NMNAT3: variants seen among roughly 807,000 people sequenced by gnomAD.
NMNAT3 encodes nicotinamide/nicotinic acid mononucleotide adenylyltransferase 3.
A neutral mutation model predicts 24.8 loss-of-function variants in NMNAT3; 21 were observed. The observed-to-expected ratio is 0.85, with a 90% CI of 0.60 to 1.22. NMNAT3 has a LOEUF of 1.22. Ranked by LOEUF, NMNAT3 falls within the 50% of genes most tolerant of loss-of-function variation. The pLI is 0.00. For missense variants in NMNAT3, 387 were observed against 436.6 expected (o/e 0.89, Z 1.01); for synonymous variants, 136 against 155.2 (o/e 0.88, Z 0.92).
intron 6 of NMNAT3, chr3:139,565,368 T>C (rs1937019890): frequency 6.6e-6 from 1 of 151,992 alleles, no homozygotes; most frequent in African/African-American, 2.4e-5. Flanking sequence ...TTAAAAATTT[T>C]ATTATTATTG....
At chr3:139,655,660 C>G (rs914964330) in intron 1 of NMNAT3, among the ~76,000 whole-genome samples, 1 of 152,098 alleles carries the variant, frequency 6.6e-6, no homozygotes. Context: ...CTAAAGTGCC[C>G]GAGCCACAGA....
intron 3 of NMNAT3, among the ~76,000 whole-genome samples, chr3:139,592,127 A>T (rs1375428424): frequency 6.6e-6 from 1 of 152,194 alleles, no homozygotes; most frequent in African/African-American, 2.4e-5. Context: ...TGCTTAAAGG[A>T]GCTGATGGAG....
rs151167384 is a variant in NMNAT3, at chr3:139,673,473, G to A, written c.-141+4232C>T. On this transcript the variant is annotated intron_variant, in intron 1 of 6. Transcript: ENST00000643695. The stretch of plus-strand genomic sequence containing the variant: ...GATTTATAGAAAAATATCATCCAGC[G>A]GTCTTCAAGGGTGTATATGAAAAAA... Among the ~76,000 whole-genome samples, 63 of 152,192 alleles carry A rather than the reference G, an allele frequency of 4.1e-4. No homozygotes were observed. In the East Asian group the frequency reaches 6.2e-3, roughly 15 times the overall value.
chr3:139,615,464 C>CTATCTATCTATCTATCTATCT (rs1438028853), intron 3 of NMNAT3, among the ~76,000 whole-genome samples: 20 of 106,824 alleles, frequency 1.9e-4, no homozygotes, highest in East Asian at 1.2e-3. Flanking sequence ...TCTATCTATC[C>CTATCTATCTATCTATCTATCT]ATCCACCCAC....
At chr3:139,623,675 C>A (rs1479150803) in intron 3 of NMNAT3, among the ~76,000 whole-genome samples, 1 of 152,088 alleles carries the variant, frequency 6.6e-6, no homozygotes, top group Non-Finnish European at 1.5e-5. Context: ...CCTCTGCCTC[C>A]CAGGTTCAAG....
At chr3:139,624,997 T>C (rs7615890) in intron 3 of NMNAT3, among the ~76,000 whole-genome samples, 52,161 of 152,080 alleles carry the variant, frequency 0.34, 9,155 homozygotes, top group Admixed American at 0.45. Flanking sequence ...TTCTATAAGT[T>C]TTTGCTTCTT....
At chr3:139,595,585 A>G (rs561332989) in intron 3 of NMNAT3, among the ~76,000 whole-genome samples, 1 of 152,334 alleles carries the variant, frequency 6.6e-6, no homozygotes, top group African/African-American at 2.4e-5. Flanking sequence ...AGTAACCAAA[A>G]CAGCATGGTA....
At chr3:139,637,195 C>T (rs1488318515) in intron 2 of NMNAT3, 1 of 152,180 alleles carries the variant, frequency 6.6e-6, no homozygotes, top group East Asian at 1.9e-4. Context: ...TGGCTTAAAA[C>T]AATAAAGGTT....
chr3:139,615,334 G>A (rs551931329), intron 3 of NMNAT3, among the ~76,000 whole-genome samples: 51 of 152,182 alleles, frequency 3.4e-4, no homozygotes, highest in Admixed American at 1.0e-3. Context: ...ATGGCTACTG[G>A]GGTACAACTA....
rs976101446 is a variant in NMNAT3 at position 139,628,214 on chromosome 3, T to C, written c.-40-450A>G. On this transcript the variant is annotated intron_variant, in intron 2 of 6. Coordinates refer to ENST00000643695, the MANE Select transcript of NMNAT3 (RefSeq NM_001320510.2). The stretch of plus-strand genomic sequence containing the variant: ...GTAGATTAGCACTTTTAAAACACTT[T>C]TTATTTTGAAACAATTTCAGACTTA... 2.0e-5 allele frequency among the ~76,000 whole-genome samples: 3 copies of C among 152,332 alleles called. No individual in the cohort carries two copies. In the East Asian group the frequency reaches 5.8e-4, roughly 29 times the overall value.
chr3:139,579,154 C>G lies in NMNAT3; in HGVS notation c.392-99G>C, dbSNP rs911758691. ...TGCTAAATGTCTCCAGTGCCTCATC[C>G]TGAGTGGTAGTAGACTCTGGCATTC... On this transcript the variant is annotated intron_variant, in intron 4 of 6. Coordinates refer to ENST00000643695, the MANE Select transcript of NMNAT3 (RefSeq NM_001320510.2). 5.2e-5 allele frequency: 51 copies of G among 972,200 alleles called. 3 individuals are homozygous for G. In the Middle Eastern group the frequency reaches 9.3e-4, roughly 18 times the overall value. The allele number at this position is 972,200 out of a possible 1,614,324, so 60.2% of individuals were successfully genotyped here.
At chr3:139,666,874 A>G (rs1311675524) in intron 1 of NMNAT3, among the ~76,000 whole-genome samples, 1 of 152,110 alleles carries the variant, frequency 6.6e-6, no homozygotes, top group African/African-American at 2.4e-5. Context: ...CACTTAACAT[A>G]ATGTCCTCCA....
intron 3 of NMNAT3, among the ~76,000 whole-genome samples, chr3:139,608,771 G>A (rs758679789): frequency 5.3e-5 from 8 of 152,070 alleles, no homozygotes; most frequent in Non-Finnish European, 1.0e-4. Flanking sequence ...GTAGTTCTGT[G>A]AAATTTCATC....
chr3:139,622,376 AT>A (rs139463069), intron 3 of NMNAT3, among the ~76,000 whole-genome samples: 18,630 of 151,716 alleles, frequency 0.12, 1,165 homozygotes, highest in African/African-American at 0.16. Flanking sequence ...ACGATTGTAT[AT>A]TTTTTTTGGG....
chr3:139,629,923 C>T (rs2056224540), intron 2 of NMNAT3, among the ~76,000 whole-genome samples: 1 of 152,156 alleles, frequency 6.6e-6, no homozygotes. Flanking sequence ...CTGCTAGGTA[C>T]CTATATCAGT....
chr3:139,596,960 A>ATATATATATT (rs2054510022), intron 3 of NMNAT3, among the ~76,000 whole-genome samples: 1 of 102,684 alleles, frequency 9.7e-6, no homozygotes, highest in African/African-American at 4.2e-5. Context: ...ATATATATAT[A>ATATATATATT]TATATTTTTA....
chr3:139,596,206 G>A (rs1468170137), intron 3 of NMNAT3, among the ~76,000 whole-genome samples: 1 of 152,104 alleles, frequency 6.6e-6, no homozygotes, highest in Non-Finnish European at 1.5e-5. Context: ...AGAGCCTGGG[G>A]AGGTTCTGTT....
At chr3:139,622,771 C>CATAT (rs1180513390) in intron 3 of NMNAT3, among the ~76,000 whole-genome samples, 131 of 132,484 alleles carry the variant, frequency 9.9e-4, no homozygotes, top group African/African-American at 3.5e-3. Flanking sequence ...TCATATATAT[C>CATAT]ATATATATGA....
chr3:139,615,321 A>G (rs1484386989), intron 3 of NMNAT3, among the ~76,000 whole-genome samples: 6 of 152,220 alleles, frequency 3.9e-5, no homozygotes, highest in Non-Finnish European at 8.8e-5. Flanking sequence ...GCTGGTTTAT[A>G]TTATGGCTAC....
Sources: allele counts gnomAD v4.1 joint callset (sites outside exome capture counted in the v4.1 genomes callset), GRCh38; gene constraint gnomAD v4.1.1; transcripts MANE v1.5; gene names NCBI Gene and HGNC (gene_info 2026-07-23, HGNC 2026-07-21).